Variants in HACE1 observed in about 807,000 individuals in gnomAD.
HACE1 encodes E3 ubiquitin-protein ligase HACE1.
HACE1 carries 73 observed loss-of-function variants against 118.4 expected under a neutral mutation model. The observed-to-expected ratio is 0.62, with a 90% confidence interval of 0.51 to 0.75. HACE1 has a LOEUF of 0.75. HACE1 is among the 30% of genes least tolerant of loss of function. The pLI, the probability that HACE1 is intolerant of heterozygous loss-of-function variation, is 0.00. For missense variants in HACE1, 749 were observed against 1,102.2 expected, an observed-to-expected ratio of 0.68 and a Z score of 4.54; for synonymous variants, 368 against 374.8, an observed-to-expected ratio of 0.98 and a Z score of 0.21.
At chr6:104,775,179 A>T (rs545592536) in intron 17 of HACE1, among the ~76,000 whole-genome samples, 1 of 152,186 alleles carries the variant, frequency 6.6e-6, no homozygotes, top group Admixed American at 6.5e-5. Flanking sequence ...TCATCTCCAC[A>T]AAAAGAATAG....
intron 3 of HACE1, among the ~76,000 whole-genome samples, 160 bp from the exon 4 acceptor site, chr6:104,849,406 A>G (rs1045174286): frequency 6.6e-6 from 1 of 152,136 alleles, no homozygotes; most frequent in Non-Finnish European, 1.5e-5. Context: ...GCACCATCAC[A>G]GTTCACTGTA....
chr6:104,832,017 A>C (rs1774032107), intron 6 of HACE1, among the ~76,000 whole-genome samples: 2 of 149,232 alleles, frequency 1.3e-5, no homozygotes, highest in Admixed American at 1.3e-4. Context: ...GAAGGAAGGA[A>C]GGAAGGAAGG....
At chr6:104,857,724 G>A (rs1047521406) in intron 1 of HACE1, among the ~76,000 whole-genome samples, 2 of 151,440 alleles carry the variant, frequency 1.3e-5, no homozygotes, top group African/African-American at 4.9e-5. Flanking sequence ...TTGGGAGGCC[G>A]AGGCGGGCAG....
intron 22 of HACE1, among the ~76,000 whole-genome samples, chr6:104,733,850 A>T (rs1348131373): frequency 1.3e-5 from 2 of 150,536 alleles, no homozygotes; most frequent in African/African-American, 4.9e-5. Context: ...AAAAAAAAAG[A>T]AAAGAGAAAA....
In HACE1 at chr6:104,750,366, A is replaced by G. The variant is rs1290754687; in HGVS notation, c.2318T>C (p.Ile773Thr). ...CAATTCATATTCATCAAAAAGCTGT[A>G]TGAGGGAGGGTGGAATGAACATATG... ...GFHMFIPPSL[I>T]QLFDEYELEL... Residue 773 changes from isoleucine to threonine, a missense_variant, in exon 20 of 24, where the codon ATA becomes ACA. Transcript: ENST00000262903. 6.2e-7 allele frequency: 1 copy of G among 1,612,744 alleles called. No individual in the cohort carries two copies. The highest frequency in any genetic ancestry group is 8.5e-7 in the Non-Finnish European group (1 of 1,179,050).
At chr6:104,741,496 A>G (rs2114484055) in intron 22 of HACE1, among the ~76,000 whole-genome samples, 1 of 132,566 alleles carries the variant, frequency 7.5e-6, no homozygotes, top group South Asian at 2.5e-4. Context: ...AAAAATCACA[A>G]GCATTCTTAT....
intron 19 of HACE1, among the ~76,000 whole-genome samples, chr6:104,763,594 A>T (rs1009008342): frequency 5.3e-4 from 75 of 142,436 alleles, no homozygotes; most frequent in African/African-American, 1.9e-3. Context: ...CTTAATGGTT[A>T]AAAAAAAAAA....
At chr6:104,802,108 A>C (rs1416943972) in intron 7 of HACE1, among the ~76,000 whole-genome samples, 2 of 152,188 alleles carry the variant, frequency 1.3e-5, no homozygotes, top group Admixed American at 1.3e-4. Context: ...GGAAGATCAA[A>C]ACAGACAAGG....
intron 14 of HACE1, among the ~76,000 whole-genome samples, chr6:104,779,884 A>G (rs1781554288): frequency 3.9e-5 from 6 of 152,166 alleles, no homozygotes; most frequent in Middle Eastern, 6.8e-3. Flanking sequence ...ATAATAATAA[A>G]TTAGCAATCA....
chr6:104,786,049 A>AGCAGGCCGGAGATGGTGGC (rs1213075588), intron 11 of HACE1: 1 of 152,168 alleles, frequency 6.6e-6, no homozygotes, highest in East Asian at 1.9e-4. Context: ...AATACTGACT[A>AGCAGGCCGGAGATGGTGGC]GCAGGCCGGA....
chr6:104,766,354 G>T (rs1780016476), intron 19 of HACE1, among the ~76,000 whole-genome samples: 1 of 152,080 alleles, frequency 6.6e-6, no homozygotes, highest in Non-Finnish European at 1.5e-5. Context: ...AGTGCCCCCT[G>T]GTCATATGAG....
intron 19 of HACE1, among the ~76,000 whole-genome samples, chr6:104,770,460 T>C (rs1239479400): frequency 6.6e-6 from 1 of 152,174 alleles, no homozygotes; most frequent in Non-Finnish European, 1.5e-5. Flanking sequence ...GGCTCATACC[T>C]GTAATCCCAG....
intron 20 of HACE1, among the ~76,000 whole-genome samples, chr6:104,749,396 C>T (rs1318415134): frequency 6.6e-6 from 1 of 151,942 alleles, no homozygotes; most frequent in African/African-American, 2.4e-5. Context: ...TCACAATGGA[C>T]TTCAAAATTA....
intron 22 of HACE1, among the ~76,000 whole-genome samples, 196 bp downstream of exon 22, chr6:104,743,964 G>A (rs1052540327): frequency 6.6e-6 from 1 of 151,974 alleles, no homozygotes; most frequent in South Asian, 2.1e-4. Flanking sequence ...AATATATTAA[G>A]TAAACATGAT....
At chr6:104,804,694 TACAAA>T (rs1770797830) in intron 7 of HACE1, among the ~76,000 whole-genome samples, 1 of 152,128 alleles carries the variant, frequency 6.6e-6, no homozygotes, top group Non-Finnish European at 1.5e-5. Flanking sequence ...TTACACCTTA[TACAAA>T]AATTAATTCA....
intron 5 of HACE1, among the ~76,000 whole-genome samples, chr6:104,840,788 AC>A (rs1312234861): frequency 1.3e-5 from 2 of 152,080 alleles, no homozygotes; most frequent in African/African-American, 4.8e-5. Context: ...ACATGGAGAA[AC>A]CCCGTCTCTA....
At chr6:104,777,656 T>C (rs1457819504) in intron 14 of HACE1, among the ~76,000 whole-genome samples, 2 of 152,246 alleles carry the variant, frequency 1.3e-5, no homozygotes, top group Admixed American at 6.5e-5. Flanking sequence ...CTTATTACAA[T>C]GAATTTTCAC....
At chr6:104,816,112 A>C (rs1772088270) in intron 6 of HACE1, among the ~76,000 whole-genome samples, 6 of 152,200 alleles carry the variant, frequency 3.9e-5, no homozygotes, top group Admixed American at 3.3e-4. Context: ...AAAGTTTGGA[A>C]AATGTGCAGC....
At chr6:104,806,501 A>G (rs1771014389) in intron 7 of HACE1, among the ~76,000 whole-genome samples, 1 of 152,146 alleles carries the variant, frequency 6.6e-6, no homozygotes, top group Non-Finnish European at 1.5e-5. Context: ...TTTTTTAAAT[A>G]GATTTAAAAA....
Sources: allele counts gnomAD v4.1 joint callset (sites outside exome capture counted in the v4.1 genomes callset), GRCh38; gene constraint gnomAD v4.1.1; transcripts MANE v1.5; gene names NCBI Gene and HGNC (gene_info 2026-07-23, HGNC 2026-07-21).